CUX1: variants seen among roughly 807,000 people sequenced by gnomAD.
CUX1 encodes the protein cut like homeobox 1.
In CUX1, 31 loss-of-function variants were observed where a neutral mutation model predicts 158.8. The ratio of observed to expected loss-of-function variants is 0.20; its 90% CI spans 0.15 to 0.26. CUX1 has a LOEUF of 0.26. Ranked by LOEUF, CUX1 falls within the 10% of genes least tolerant of loss-of-function variation. The pLI is 1.00. For missense variants in CUX1, 1,589 were observed against 2,014.6 expected (o/e 0.79, Z 4.04); for synonymous variants, 879 against 862.1 (o/e 1.02, Z -0.34).
intron 1 of CUX1, among the ~76,000 whole-genome samples, chr7:101,915,578 C>G (rs1361958397): frequency 1.3e-5 from 2 of 152,134 alleles, no homozygotes; most frequent in African/African-American, 4.8e-5. Flanking sequence ...AGTGAGCTCA[C>G]CATAAACATT....
chr7:101,948,898 G>A (rs1351344881), intron 2 of CUX1, among the ~76,000 whole-genome samples: 1 of 152,192 alleles, frequency 6.6e-6, no homozygotes, highest in African/African-American at 2.4e-5. Flanking sequence ...CTGTGCCCCT[G>A]CAAGTGTGTC....
chr7:101,927,076 A>ACTT (rs1805676503), intron 2 of CUX1, among the ~76,000 whole-genome samples: 1 of 152,058 alleles, frequency 6.6e-6, no homozygotes, highest in Non-Finnish European at 1.5e-5. Context: ...GGGCGAAGGT[A>ACTT]CTTTGGGGAG....
chr7:101,978,102 G>C (rs1812945208), intron 2 of CUX1, among the ~76,000 whole-genome samples: 1 of 151,960 alleles, frequency 6.6e-6, no homozygotes, highest in South Asian at 2.1e-4. Flanking sequence ...CCTGCCCTTT[G>C]ATATCTACAA....
At chr7:102,036,683 A>G (rs1247184873) in intron 3 of CUX1, among the ~76,000 whole-genome samples, 6 of 151,670 alleles carry the variant, frequency 4.0e-5, no homozygotes, top group African/African-American at 1.5e-4. Flanking sequence ...CAGAGGTAGC[A>G]GTGAGCCGAG....
Position 102,256,121 on chromosome 7 carries a change from C to T in CUX1, c.*7079C>T, listed in dbSNP as rs1178780538. On this transcript the variant is annotated 3_prime_UTR_variant, in exon 24 of 24. Coordinates refer to ENST00000292535, the MANE Select transcript of CUX1 (RefSeq NM_181552.4). ...CACTGTGCTGGGCGTGCAGGGCCCG[C>T]GGGCTCTGGCCGGAGCCGCTGGCCT... 6.1e-6 allele frequency: 6 copies of T among 985,282 alleles called. No homozygotes were observed. Among genetic ancestry groups the T allele is most frequent in the South Asian group, 4.7e-5 (1 of 21,294 alleles). 61.0% of individuals were successfully genotyped at this position (985,282 alleles called of 1,614,324 possible).
At position 101,817,635 on chromosome 7, in the gene CUX1, G is replaced by C. The variant is rs962846049; in HGVS notation, c.-5G>C. 6.4e-7 allele frequency: 1 copy of C among 1,551,222 alleles called. No individual in the cohort carries two copies. Among genetic ancestry groups the C allele is most frequent in the Admixed American group, 2.0e-5 (1 of 51,154 alleles). On this transcript the variant is annotated 5_prime_UTR_variant, in exon 1 of 24. Transcript: ENST00000292535. This position sits in a 1 kb window ranked among gnomAD's most constrained non-coding sequence, Gnocchi z 4.1. ...CCGGGACAGCCCCGGGACTCTGCCAGGTGGATGTTGTGCGTAGCCGGAGCC... is the reference window on the plus strand; with the variant it reads ...CCGGGACAGCCCCGGGACTCTGCCACGTGGATGTTGTGCGTAGCCGGAGCC...
At position 101,823,019 on chromosome 7, in the gene CUX1, C is replaced by T. The variant is rs1381148741; in HGVS notation, c.30+5350C>T. Among the ~76,000 whole-genome samples, 4 of 151,862 alleles carry T rather than the reference C, an allele frequency of 2.6e-5. No individual in the cohort carries two copies. The East Asian group carries it at 7.7e-4, about 29-fold the overall frequency. On this transcript the variant is annotated intron_variant, in intron 1 of 23. Coordinates refer to ENST00000292535, the MANE Select transcript of CUX1 (RefSeq NM_181552.4). ...ATTTTAATTTTGTTGTAATTAAATT[C>T]AGAGAGGATGATGTTAGTGCACAAA...
At chr7:102,145,469 G>A (rs1448675971) in intron 8 of CUX1, among the ~76,000 whole-genome samples, 1 of 151,758 alleles carries the variant, frequency 6.6e-6, no homozygotes, top group East Asian at 1.9e-4. Context: ...CACCAGAAGA[G>A]AAAGGTCCTG....
At position 102,106,079 on chromosome 7, in the gene CUX1, CTTTTTTTTTT is replaced by C. The variant is rs782580660; in HGVS notation, c.530+1637_530+1646del. On this transcript the variant is annotated intron_variant, in intron 6 of 23. Coordinates refer to ENST00000292535, the MANE Select transcript of CUX1 (RefSeq NM_181552.4). ...AATACTTGGTGAACTTTTCTTTTTT[CTTTTTTTTTT>C]TTTTTTTTTTTTTTTTGAGATGGAG... is the stretch of plus-strand genomic sequence containing the variant. Among the ~76,000 whole-genome samples the C allele has an allele frequency of 4.3e-3, 308 of 72,282 alleles. 1 individual carries two copies. Among genetic ancestry groups the C allele is most frequent in the African/African-American group, 0.018 (299 of 16,762 alleles). The allele number at this position is 72,282 out of a possible 152,430, so 47.4% of individuals were successfully genotyped here.
At chr7:102,145,897 A>C (rs1479232784) in intron 8 of CUX1, among the ~76,000 whole-genome samples, 1 of 152,186 alleles carries the variant, frequency 6.6e-6, no homozygotes, top group East Asian at 1.9e-4. Context: ...CGGTGAGTCG[A>C]GATCGTGCCA....
intron 1 of CUX1, among the ~76,000 whole-genome samples, chr7:101,901,004 A>G (rs1802083776): frequency 6.6e-6 from 1 of 152,168 alleles, no homozygotes; most frequent in Admixed American, 6.5e-5. Flanking sequence ...TGTTCTGTTT[A>G]TATATCACAT....
intron 3 of CUX1, among the ~76,000 whole-genome samples, chr7:102,062,875 C>T (rs564326099): frequency 2.0e-4 from 30 of 152,174 alleles, no homozygotes; most frequent in African/African-American, 6.7e-4. Flanking sequence ...GAGGCCGAGG[C>T]GGGCGGATCA....
rs896120835 is a variant in CUX1 at position 101,835,071 on chromosome 7, G to A, written c.30+17402G>A. Among the ~76,000 whole-genome samples the A allele has an allele frequency of 3.2e-4, 49 of 152,044 alleles. 1 individual carries two copies. Among genetic ancestry groups the A allele is most frequent in the East Asian group, 3.9e-4 (2 of 5,178 alleles). ...AGGTGTTTGGTATACTCACAATGTC[G>A]TGCAGCCATCACCACGATCTAGTTC... On this transcript the variant is annotated intron_variant, in intron 1 of 23. Transcript: ENST00000292535.
downstream of CUX1, among the ~76,000 whole-genome samples, chr7:102,261,942 AC>A (rs1790430048): frequency 6.6e-6 from 1 of 151,966 alleles, no homozygotes; most frequent in Admixed American, 6.6e-5. Context: ...ACATAGCAAG[AC>A]CCCATCTCTA....
At position 101,903,258 on chromosome 7, in the gene CUX1, C is replaced by T. The variant is rs181063487; in HGVS notation, c.31-12857C>T. 2.0e-4 allele frequency among the ~76,000 whole-genome samples: 31 copies of T among 152,138 alleles called. No homozygotes were observed. The East Asian group carries it at 4.8e-3, about 24-fold the overall frequency. On this transcript the variant is annotated intron_variant, in intron 1 of 23. Transcript: ENST00000292535. ...GTGACCTACACAAGGCGGGTGGTGG[C>T]GGGGGAGGTCCCACTTTAACAGGAG...
intron 2 of CUX1, among the ~76,000 whole-genome samples, chr7:101,921,645 A>G (rs1035281102): frequency 6.6e-6 from 1 of 152,036 alleles, no homozygotes; most frequent in Non-Finnish European, 1.5e-5. Flanking sequence ...TATTTTTAGT[A>G]GAGACGGAGT....
intron 1 of CUX1, among the ~76,000 whole-genome samples, chr7:101,911,336 CTGGCCT>C (rs1480450322): frequency 7.5e-5 from 11 of 146,250 alleles, no homozygotes; most frequent in African/African-American, 2.3e-4. Flanking sequence ...GACCTGAGCC[CTGGCCT>C]TGGCCTTGGC....
chr7:101,900,015 AGTC>A (rs1296792499), intron 1 of CUX1, among the ~76,000 whole-genome samples: 1 of 152,142 alleles, frequency 6.6e-6, no homozygotes, highest in Non-Finnish European at 1.5e-5. Flanking sequence ...AGCTTTACAG[AGTC>A]TAAGTTAAAG....
chr7:101,952,139 A>G (rs918350691), intron 2 of CUX1, among the ~76,000 whole-genome samples: 2 of 152,120 alleles, frequency 1.3e-5, no homozygotes, highest in Non-Finnish European at 2.9e-5. Context: ...TATAATCCCA[A>G]TACTTTGAGA....
Sources: allele counts gnomAD v4.1 joint callset (sites outside exome capture counted in the v4.1 genomes callset), GRCh38; gene constraint gnomAD v4.1.1; non-coding constraint Gnocchi (gnomAD v3.1); transcripts MANE v1.5; gene names NCBI Gene and HGNC (gene_info 2026-07-23, HGNC 2026-07-21).